The following PLPP1 variants were observed in gnomAD, a reference collection of about 807,000 sequenced individuals.
PLPP1 encodes lipid phosphate phosphohydrolase 1a.
In PLPP1, 24 loss-of-function variants were observed where a neutral mutation model predicts 31.2. That is an observed-to-expected ratio of 0.77 (90% confidence interval 0.56 to 1.08). The LOEUF (loss-of-function observed/expected upper bound fraction) is 1.08. PLPP1 is among the 50% of genes least tolerant of loss of function. The pLI is 0.00. For missense variants in PLPP1, 319 were observed against 342.7 expected (o/e 0.93, Z 0.55); for synonymous variants, 146 against 126.3 (o/e 1.16, Z -1.05).
chr5:55,431,930 A>G (rs1751362999), intron 4 of PLPP1, among the ~76,000 whole-genome samples: 1 of 152,108 alleles, frequency 6.6e-6, no homozygotes, highest in Non-Finnish European at 1.5e-5. Flanking sequence ...TCTATCTCCA[A>G]TCATCTATTT....
chr5:55,488,968 T>C lies in PLPP1; in HGVS notation c.59-13518A>G, dbSNP rs146779323. On this transcript the variant is annotated intron_variant, in intron 1 of 5. Coordinates refer to ENST00000307259, the MANE Select transcript of PLPP1 (RefSeq NM_003711.4). ...CGCTTGAACCCGAGCTGAGGCAGAG[T>C]AGATTGCTTGAGGTCAGGAGTTCAA... Among the ~76,000 whole-genome samples, 58 of 151,288 alleles carry C rather than the reference T, an allele frequency of 3.8e-4. No homozygotes were observed. In the East Asian group the frequency reaches 7.8e-3, roughly 20 times the overall value.
chr5:55,468,237 A>C, intron 2 of PLPP1, 88 bp from the exon 3 acceptor site: 1 of 1,178,836 alleles, frequency 8.5e-7, no homozygotes, highest in Non-Finnish European at 1.2e-6. Context: ...AGGAAATGGT[A>C]AATCGCAAAA....
At chr5:55,465,222 T>G (rs1279298198) in intron 3 of PLPP1, among the ~76,000 whole-genome samples, 1 of 152,074 alleles carries the variant, frequency 6.6e-6, no homozygotes, top group East Asian at 1.9e-4. Flanking sequence ...TTTTTGTATT[T>G]TTAGTAGAGA....
At chr5:55,475,263 A>T in intron 2 of PLPP1, 36 bp downstream of exon 2, 3 of 1,567,070 alleles carry the variant, frequency 1.9e-6, no homozygotes, top group Non-Finnish European at 2.6e-6. Context: ...CCAAGTGCCC[A>T]AAAGTTATAA....
intron 2 of PLPP1, among the ~76,000 whole-genome samples, chr5:55,472,720 GAGAAGA>G (rs1752444903): frequency 6.6e-6 from 1 of 150,800 alleles, no homozygotes; most frequent in East Asian, 1.9e-4. Context: ...GAAAGAGAGA[GAGAAGA>G]GGAAGAGGAG....
intron 2 of PLPP1, among the ~76,000 whole-genome samples, chr5:55,472,072 T>C (rs1378162118): frequency 6.6e-6 from 1 of 152,198 alleles, no homozygotes; most frequent in Non-Finnish European, 1.5e-5. Flanking sequence ...CAGTGAGCTC[T>C]GATCACACCA....
At chr5:55,450,830 C>T (rs1192364849) in intron 3 of PLPP1, among the ~76,000 whole-genome samples, 1 of 152,194 alleles carries the variant, frequency 6.6e-6, no homozygotes, top group Non-Finnish European at 1.5e-5. Flanking sequence ...ACCTTGCCCA[C>T]CACCCATCCC....
intron 5 of PLPP1, 102 bp downstream of exon 5, chr5:55,425,759 CAT>C: frequency 1.8e-6 from 2 of 1,104,552 alleles, no homozygotes; most frequent in Non-Finnish European, 2.5e-6. Context: ...TTGCCCACTG[CAT>C]AGTCTTCTCC....
At chr5:55,483,507 A>C (rs1752712937) in intron 1 of PLPP1, among the ~76,000 whole-genome samples, 1 of 152,042 alleles carries the variant, frequency 6.6e-6, no homozygotes, top group African/African-American at 2.4e-5. Flanking sequence ...CTCCGTCTCT[A>C]TTAAAAATAC....
chr5:55,503,197 T>C (rs1389895332), intron 1 of PLPP1, among the ~76,000 whole-genome samples: 2 of 152,222 alleles, frequency 1.3e-5, no homozygotes, highest in African/African-American at 4.8e-5. Context: ...TTGGCTTAGC[T>C]GTATCAAAAC....
intron 1 of PLPP1, among the ~76,000 whole-genome samples, chr5:55,511,035 A>G (rs1327213027): frequency 2.0e-5 from 3 of 152,198 alleles, no homozygotes; most frequent in Admixed American, 6.5e-5. Flanking sequence ...ACATATATAA[A>G]CCTATCACAA....
At chr5:55,437,076 T>C (rs1751509087) in intron 4 of PLPP1, among the ~76,000 whole-genome samples, 1 of 152,180 alleles carries the variant, frequency 6.6e-6, no homozygotes, top group Non-Finnish European at 1.5e-5. Context: ...ATCTTAGACT[T>C]CCAGCTTCCA....
At position 55,475,319 on chromosome 5, in the gene PLPP1, T is replaced by C; in HGVS notation, c.190A>G (p.Ile64Val). 1 of 1,611,030 alleles carries C rather than the reference T, an allele frequency of 6.2e-7. No homozygotes were observed. The highest frequency in any genetic ancestry group is 1.1e-5 in the South Asian group (1 of 90,074). ...IPYALLGGIIIPFSIIVIILG... is the reference protein window; with the variant it reads ...IPYALLGGIIVPFSIIVIILG... ...CTTACAACGATAATACTGAATGGAA[T>C]GATTATTCCACCTAATAACGCATAA... is the stretch of plus-strand genomic sequence containing the variant. The change falls in exon 2 of 6, where the codon ATT (isoleucine) becomes GTT (valine). Residue 64 changes from isoleucine (I) to valine (V), a missense_variant. Ile to Val is a conservative substitution (Grantham distance 29). Coordinates refer to ENST00000307259, the MANE Select transcript of PLPP1 (RefSeq NM_003711.4).
intron 3 of PLPP1, 119 bp downstream of exon 3, chr5:55,467,750 C>T: frequency 9.1e-7 from 1 of 1,100,052 alleles, no homozygotes; most frequent in Non-Finnish European, 1.3e-6. Flanking sequence ...GATCAAAATT[C>T]ACCTCCCAGT....
intron 1 of PLPP1, among the ~76,000 whole-genome samples, chr5:55,532,050 A>G (rs1408089733): frequency 6.6e-6 from 1 of 152,144 alleles, no homozygotes; most frequent in Non-Finnish European, 1.5e-5. Context: ...ACCACCAAAA[A>G]CACAATTTTA....
intron 1 of PLPP1, among the ~76,000 whole-genome samples, chr5:55,497,855 G>A (rs1753036000): frequency 6.6e-6 from 1 of 152,106 alleles, no homozygotes; most frequent in African/African-American, 2.4e-5. Flanking sequence ...GAGCCAACAT[G>A]ACATGATCTT....
chr5:55,528,452 A>T (rs959281102), intron 1 of PLPP1, among the ~76,000 whole-genome samples: 5 of 152,222 alleles, frequency 3.3e-5, no homozygotes, highest in African/African-American at 1.2e-4. Context: ...GGCAGGGATT[A>T]TCTTATTCAT....
At chr5:55,517,088 A>G (rs1006226684) in intron 1 of PLPP1, among the ~76,000 whole-genome samples, 9 of 152,232 alleles carry the variant, frequency 5.9e-5, no homozygotes, top group African/African-American at 2.2e-4. Flanking sequence ...TTCTGCTACA[A>G]TTCTATTTGA....
chr5:55,474,973 G>C (rs1752503402), intron 2 of PLPP1, among the ~76,000 whole-genome samples: 1 of 151,240 alleles, frequency 6.6e-6, no homozygotes, highest in Non-Finnish European at 1.5e-5. Flanking sequence ...AGTGTTGTCT[G>C]GGCTGGAGTA....
Sources: gnomAD v4.1 joint callset for allele counts (sites outside exome capture counted in the v4.1 genomes callset) on GRCh38, gnomAD v4.1.1 for gene constraint, MANE v1.5 for transcripts, NCBI Gene and HGNC (gene_info 2026-07-23, HGNC 2026-07-21) for gene names.